Variants in IL1RAPL2 observed in about 807,000 individuals in gnomAD.
IL1RAPL2 encodes X-linked interleukin-1 receptor accessory protein-like 2.
IL1RAPL2 carries 3 observed loss-of-function variants against 44.1 expected under a neutral mutation model. The observed-to-expected ratio is 0.07, with a 90% confidence interval of 0.03 to 0.18. The LOEUF (loss-of-function observed/expected upper bound fraction) is 0.18, where lower values mean the gene tolerates loss of function less well. IL1RAPL2 is among the 10% of genes least tolerant of loss of function. The probability of loss-of-function intolerance (pLI) is 1.00; values close to 1 mark genes in which losing one functional copy is unlikely to be tolerated. For synonymous variants in IL1RAPL2, 181 were observed against 178.8 expected (o/e 1.01, Z -0.10); for missense variants, 391 against 496.4 (o/e 0.79, Z 2.02).
At chrX:104,734,623 G>C (rs757784492) in intron 2 of IL1RAPL2, among the ~76,000 whole-genome samples, 1 of 111,643 alleles carries the variant, frequency 9.0e-6, no homozygotes, top group South Asian at 3.8e-4. Context: ...GGTTGCTAGG[G>C]TTTAGGAGTA....
intron 2 of IL1RAPL2, among the ~76,000 whole-genome samples, chrX:105,149,412 T>C (rs2033206229): frequency 8.9e-6 from 1 of 112,237 alleles, no homozygotes; most frequent in Admixed American, 9.4e-5. Context: ...TATATGACAA[T>C]GAATATGTTG....
chrX:105,421,290 A>G (rs1207625854), intron 5 of IL1RAPL2, among the ~76,000 whole-genome samples: 1 of 111,370 alleles, frequency 9.0e-6, no homozygotes, highest in Non-Finnish European at 1.9e-5. Context: ...TCTCCAAATG[A>G]GGCAATCAGA....
At chrX:104,825,218 G>A (rs1474939660) in intron 2 of IL1RAPL2, among the ~76,000 whole-genome samples, 1 of 111,713 alleles carries the variant, frequency 9.0e-6, no homozygotes, top group African/African-American at 3.3e-5. Flanking sequence ...TTGTTCTGGT[G>A]TTGGTGGGCA....
intron 5 of IL1RAPL2, among the ~76,000 whole-genome samples, chrX:105,362,723 T>G (rs752715537): frequency 5.0e-4 from 56 of 111,368 alleles, no homozygotes; most frequent in Non-Finnish European, 9.5e-4. Context: ...AATCTAAATA[T>G]TTTGTTCAGT....
chrX:104,940,954 C>T (rs1181362628), intron 2 of IL1RAPL2, among the ~76,000 whole-genome samples: 1 of 102,010 alleles, frequency 9.8e-6, no homozygotes, highest in Admixed American at 1.1e-4. Flanking sequence ...TCAATTCCCA[C>T]CTATGAGTGA....
At chrX:105,712,421 A>G (rs956497026) in intron 6 of IL1RAPL2, among the ~76,000 whole-genome samples, 6 of 111,067 alleles carry the variant, frequency 5.4e-5, no homozygotes, top group African/African-American at 2.0e-4. Context: ...ACTGCTATAA[A>G]GACACTACCT....
chrX:105,052,556 G>A (rs2031941741), intron 2 of IL1RAPL2, among the ~76,000 whole-genome samples: 1 of 111,506 alleles, frequency 9.0e-6, no homozygotes. Context: ...AATAAAGAAA[G>A]CAACTAAGAT....
chrX:104,802,004 G>C (rs1274013409), intron 2 of IL1RAPL2, among the ~76,000 whole-genome samples: 4 of 111,076 alleles, frequency 3.6e-5, no homozygotes, highest in Non-Finnish European at 7.5e-5. Context: ...TAAGGGCTCA[G>C]AGAATGCAGA....
chrX:105,061,578 C>A (rs1399989501), intron 2 of IL1RAPL2, among the ~76,000 whole-genome samples: 1 of 111,661 alleles, frequency 9.0e-6, no homozygotes, highest in Non-Finnish European at 1.9e-5. Flanking sequence ...AGATTAAGTT[C>A]AATGTTTCTT....
intron 1 of IL1RAPL2, among the ~76,000 whole-genome samples, chrX:104,580,872 C>A (rs952736082): frequency 8.9e-6 from 1 of 112,084 alleles, no homozygotes; most frequent in African/African-American, 3.2e-5. Flanking sequence ...CAACCACTGA[C>A]CTCTATGCCT....
chrX:104,816,419 A>G (rs1921137155), intron 2 of IL1RAPL2, among the ~76,000 whole-genome samples: 1 of 112,317 alleles, frequency 8.9e-6, no homozygotes, highest in South Asian at 3.7e-4. Context: ...AGAGGAAGGC[A>G]CGCAGTGAGC....
chrX:104,890,780 C>T lies in IL1RAPL2; in HGVS notation c.82+231785C>T, dbSNP rs147633437. On this transcript the variant is annotated intron_variant, in intron 2 of 10. Transcript: ENST00000372582. ...TCACTCTGATGGTAGTTTCTTTTGC[C>T]GTGCAGAAGCTCTTTAGTTTAATTA... 4.4e-3 allele frequency among the ~76,000 whole-genome samples: 491 copies of T among 111,222 alleles called. 8 individuals are homozygous for T. The highest frequency in any genetic ancestry group is 0.014 in the African/African-American group (434 of 30,680).
intron 6 of IL1RAPL2, among the ~76,000 whole-genome samples, chrX:105,558,315 C>T (rs2147805713): frequency 9.0e-6 from 1 of 111,568 alleles, no homozygotes; most frequent in East Asian, 2.8e-4. Flanking sequence ...CATTCAAAGT[C>T]CTTAGCATGA....
chrX:104,817,918 C>T (rs1285046322), intron 2 of IL1RAPL2, among the ~76,000 whole-genome samples: 1 of 110,998 alleles, frequency 9.0e-6, no homozygotes, highest in African/African-American at 3.3e-5. Context: ...ATTTTTCAAG[C>T]TTGAGCAACT....
chrX:104,822,869 T>A (rs1248951661), intron 2 of IL1RAPL2, among the ~76,000 whole-genome samples: 1 of 111,493 alleles, frequency 9.0e-6, no homozygotes, highest in African/African-American at 3.3e-5. Context: ...TTTCACAATA[T>A]TGATTTTTCC....
chrX:104,729,221 A>C (rs907800631), intron 2 of IL1RAPL2, among the ~76,000 whole-genome samples: 1 of 111,656 alleles, frequency 9.0e-6, no homozygotes, highest in Non-Finnish European at 1.9e-5. Flanking sequence ...TAAGTTCAAA[A>C]TGTAAAACAA....
intron 5 of IL1RAPL2, among the ~76,000 whole-genome samples, chrX:105,448,840 G>A (rs2046303496): frequency 9.0e-6 from 1 of 110,617 alleles, no homozygotes; most frequent in Non-Finnish European, 1.9e-5. Context: ...AGATTCTGAT[G>A]CATTCTTCAG....
At chrX:105,390,409 C>A (rs1031550162) in intron 5 of IL1RAPL2, among the ~76,000 whole-genome samples, 1 of 111,692 alleles carries the variant, frequency 9.0e-6, no homozygotes, top group East Asian at 2.8e-4. Flanking sequence ...ATTGCCCCAT[C>A]ATCTAGCACG....
At position 104,844,167 on chromosome X, in the gene IL1RAPL2, CT is replaced by C. The variant is rs779804174; in HGVS notation, c.82+185175del. Among the ~76,000 whole-genome samples the C allele has an allele frequency of 2.6e-4, 29 of 110,030 alleles. No individual in the cohort carries two copies. The East Asian group carries it at 8.3e-3, about 32-fold the overall frequency. ...AATCCTTCCTATTTCTTCTTAATTC[CT>C]TTCTTTTCTGGAAGTTAAACCAATG... On this transcript the variant is annotated intron_variant, in intron 2 of 10. Coordinates refer to ENST00000372582, the MANE Select transcript of IL1RAPL2 (RefSeq NM_017416.2).
Sources: gnomAD v4.1 joint callset for allele counts (sites outside exome capture counted in the v4.1 genomes callset) on GRCh38, gnomAD v4.1.1 for gene constraint, MANE v1.5 for transcripts, NCBI Gene and HGNC (gene_info 2026-07-23, HGNC 2026-07-21) for gene names.